Variants in ADAM18 observed in about 807,000 individuals in gnomAD.
ADAM18 encodes the protein ADAM metallopeptidase domain 18, also known as disintegrin and metalloproteinase domain-containing protein 18.
In ADAM18, 117 loss-of-function variants were observed where a neutral mutation model predicts 94.4. The observed-to-expected ratio is 1.24, with a 90% CI of 1.07 to 1.45. The LOEUF (loss-of-function observed/expected upper bound fraction) is 1.45. ADAM18 is among the 40% of genes most tolerant of loss of function. The pLI, the probability that ADAM18 is intolerant of heterozygous loss-of-function variation, is 0.00. For missense variants in ADAM18, 936 were observed against 880.0 expected, an observed-to-expected ratio of 1.06 and a Z score of -0.81; for synonymous variants, 327 against 291.6, an observed-to-expected ratio of 1.12 and a Z score of -1.24.
intron 13 of ADAM18, among the ~76,000 whole-genome samples, chr8:39,666,224 G>T (rs1022487763): frequency 2.0e-5 from 3 of 152,036 alleles, no homozygotes; most frequent in Non-Finnish European, 2.9e-5. Context: ...TTTTTGTAGA[G>T]ATGGGGTATT....
chr8:39,699,905 C>G (rs1390344335), intron 17 of ADAM18, among the ~76,000 whole-genome samples: 3 of 152,108 alleles, frequency 2.0e-5, no homozygotes, highest in African/African-American at 4.8e-5. Context: ...AAGTACACAA[C>G]CACCTGTGCA....
chr8:39,609,368 A>G, intron 4 of ADAM18, 117 bp from the exon 5 acceptor site: 1 of 727,974 alleles, frequency 1.4e-6, no homozygotes, highest in Non-Finnish European at 2.2e-6. Flanking sequence ...AATATGCATT[A>G]ATAATTAATG....
In ADAM18 at chr8:39,723,842, C is replaced by T; in HGVS notation, c.2112C>T (p.Thr704=). The change falls in exon 19 of 20, where the codon ACC becomes ACT. Residue 704 remains threonine (T), a synonymous_variant. Coordinates refer to ENST00000265707, the MANE Select transcript of ADAM18 (RefSeq NM_014237.3). ...TTCTGCCGTTTTTCATAGTTTTCAC[C>T]ACTGTGATCTTTAAAAGAAATGAAA... is the stretch of plus-strand genomic sequence containing the variant. ...CIFLPFFIVF[T]TVIFKRNEIS... 1 of 1,579,356 alleles carries T rather than the reference C, an allele frequency of 6.3e-7. No individual in the cohort carries two copies. Among genetic ancestry groups the T allele is most frequent in the Non-Finnish European group, 8.6e-7 (1 of 1,161,628 alleles).
At chr8:39,637,402 T>C (rs999341350) in intron 8 of ADAM18, 67 bp downstream of exon 8, 1 of 1,494,664 alleles carries the variant, frequency 6.7e-7, no homozygotes, top group Non-Finnish European at 9.1e-7. Context: ...GGGTTCTATC[T>C]TGGCCAATGA....
chr8:39,638,395 GTTTAA>G (rs1820145654), intron 9 of ADAM18, 65 bp from the exon 10 acceptor site: 3 of 1,056,872 alleles, frequency 2.8e-6, no homozygotes, highest in Non-Finnish European at 4.0e-6. Flanking sequence ...TGTGAAGAAG[GTTTAA>G]TTTAATACAT....
At chr8:39,667,970 T>C in intron 13 of ADAM18, 28 bp from the exon 14 acceptor site, 1 of 1,598,766 alleles carries the variant, frequency 6.3e-7, no homozygotes, top group Non-Finnish European at 8.6e-7. Flanking sequence ...TTTACAGAAC[T>C]TAATTTTATT....
intron 18 of ADAM18, among the ~76,000 whole-genome samples, chr8:39,721,271 G>A (rs1023323638): frequency 6.6e-6 from 1 of 151,360 alleles, no homozygotes; most frequent in Non-Finnish European, 1.5e-5. Context: ...ATTAACTCAA[G>A]ACAGGTTAAC....
intron 12 of ADAM18, among the ~76,000 whole-genome samples, 197 bp from the exon 13 acceptor site, chr8:39,663,598 C>CAAAAAAAAAAAAAAAAAAAAAAA (rs10597769): frequency 5.1e-5 from 1 of 19,592 alleles, no homozygotes; most frequent in Admixed American, 9.1e-4. Context: ...AATCCTGTCT[C>CAAAAAAAAAAAAAAAAAAAAAAA]AAAAAAAAAA....
At chr8:39,610,782 T>A (rs765657886) in intron 6 of ADAM18, 76 bp downstream of exon 6, 1 of 1,502,902 alleles carries the variant, frequency 6.7e-7, no homozygotes, top group Admixed American at 2.2e-5. Context: ...ATGAAAGGAA[T>A]TTAGTTAGCT....
At chr8:39,618,841 G>A (rs1370341984) in intron 6 of ADAM18, among the ~76,000 whole-genome samples, 3 of 152,182 alleles carry the variant, frequency 2.0e-5, no homozygotes, top group Non-Finnish European at 2.9e-5. Flanking sequence ...CTGACTGCAC[G>A]TTCATTCATA....
chr8:39,715,982 T>A (rs1033036171), intron 18 of ADAM18, among the ~76,000 whole-genome samples: 1 of 151,982 alleles, frequency 6.6e-6, no homozygotes, highest in Non-Finnish European at 1.5e-5. Flanking sequence ...CCAGAAGACT[T>A]CACGAGGACG....
chr8:39,709,970 G>A (rs1482701584), intron 18 of ADAM18, among the ~76,000 whole-genome samples: 2 of 152,234 alleles, frequency 1.3e-5, no homozygotes, highest in African/African-American at 4.8e-5. Flanking sequence ...TTAGTTATCT[G>A]TGGGAAAATT....
chr8:39,677,375 C>T, intron 14 of ADAM18, 56 bp from the exon 15 acceptor site: 13 of 1,393,588 alleles, frequency 9.3e-6, no homozygotes, highest in South Asian at 1.3e-5. Context: ...CTGTTACTGA[C>T]AAACATTTAA....
At chr8:39,702,408 T>C (rs1159979477) in intron 17 of ADAM18, among the ~76,000 whole-genome samples, 2 of 152,164 alleles carry the variant, frequency 1.3e-5, no homozygotes, top group Non-Finnish European at 2.9e-5. Flanking sequence ...AGATACATAG[T>C]TTGCAAATAT....
chr8:39,626,256 A>G (rs1407792852), intron 6 of ADAM18, among the ~76,000 whole-genome samples: 1 of 152,058 alleles, frequency 6.6e-6, no homozygotes, highest in Non-Finnish European at 1.5e-5. Flanking sequence ...TGTCAGGTGT[A>G]ATATTTTCAT....
chr8:39,685,989 C>T (rs1030736125), intron 16 of ADAM18, among the ~76,000 whole-genome samples: 2 of 152,096 alleles, frequency 1.3e-5, no homozygotes, highest in Admixed American at 1.3e-4. Flanking sequence ...TGGCTTTCAC[C>T]TTCCATTTTC....
At chr8:39,585,711 A>C (rs1387674023) in intron 2 of ADAM18, among the ~76,000 whole-genome samples, 1 of 152,244 alleles carries the variant, frequency 6.6e-6, no homozygotes. Flanking sequence ...GTCATAAGTA[A>C]AATTTAGACA....
chr8:39,655,409 A>G (rs369578118), intron 12 of ADAM18, among the ~76,000 whole-genome samples: 1 of 152,166 alleles, frequency 6.6e-6, no homozygotes, highest in African/African-American at 2.4e-5. Context: ...ATTATGTTCT[A>G]TTGTTGGGGA....
chr8:39,589,432 T>C (rs766430093), intron 2 of ADAM18, among the ~76,000 whole-genome samples: 21 of 152,180 alleles, frequency 1.4e-4, no homozygotes, highest in Non-Finnish European at 2.8e-4. Context: ...AGAGTATCTA[T>C]TCCAAATGAC....
Sources: allele counts gnomAD v4.1 joint callset (sites outside exome capture counted in the v4.1 genomes callset), GRCh38; gene constraint gnomAD v4.1.1; transcripts MANE v1.5; gene names NCBI Gene and HGNC (gene_info 2026-07-23, HGNC 2026-07-21).